Variants in RIT2 observed in about 807,000 individuals in gnomAD.
The protein encoded by RIT2 is Ras like without CAAX 2, also known as GTP-binding protein Rit2.
In RIT2, 24 loss-of-function variants were observed where a neutral mutation model predicts 23.7. The ratio of observed to expected loss-of-function variants is 1.01; its 90% CI spans 0.73 to 1.43. RIT2 has a LOEUF of 1.43. RIT2 is among the 40% of genes most tolerant of loss of function. The pLI is 0.00. For missense variants in RIT2, 236 were observed against 266.9 expected (o/e 0.88, Z 0.81); for synonymous variants, 107 against 91.1 (o/e 1.17, Z -0.99).
chr18:43,096,754 A>AT (rs900131749), intron 1 of RIT2, among the ~76,000 whole-genome samples: 1 of 151,632 alleles, frequency 6.6e-6, no homozygotes, highest in Non-Finnish European at 1.5e-5. Context: ...TTTCTAGGTT[A>AT]TTTTTTTAAT....
chr18:42,806,097 A>AT, intron 4 of RIT2, among the ~76,000 whole-genome samples: 1 of 59,548 alleles, frequency 1.7e-5, no homozygotes, highest in African/African-American at 7.2e-5. Flanking sequence ...ATTTAATAAA[A>AT]TTAATATATA....
intron 2 of RIT2, among the ~76,000 whole-genome samples, chr18:42,987,184 G>A (rs112948600): frequency 0.014 from 2,116 of 152,208 alleles, 57 homozygotes; most frequent in African/African-American, 0.048. Flanking sequence ...ATGTGTGTGC[G>A]TACGTATACA....
chr18:43,046,150 T>C (rs1042057444), intron 1 of RIT2, among the ~76,000 whole-genome samples: 1 of 152,046 alleles, frequency 6.6e-6, no homozygotes, highest in Non-Finnish European at 1.5e-5. Context: ...AACAGAATCA[T>C]GCAAAAATCT....
chr18:42,935,048 A>T (rs1909417774), intron 3 of RIT2, among the ~76,000 whole-genome samples: 1 of 145,936 alleles, frequency 6.9e-6, no homozygotes, highest in Admixed American at 7.1e-5. Flanking sequence ...ATCAACAAAT[A>T]GAAAAAGTCA....
intron 4 of RIT2, among the ~76,000 whole-genome samples, chr18:42,799,489 T>C (rs1464408408): frequency 6.6e-6 from 1 of 152,250 alleles, no homozygotes; most frequent in Non-Finnish European, 1.5e-5. Flanking sequence ...CCAATTGAGC[T>C]ATTGCAATCT....
intron 4 of RIT2, among the ~76,000 whole-genome samples, chr18:42,798,693 C>T (rs1457831956): frequency 6.6e-6 from 1 of 152,228 alleles, no homozygotes; most frequent in Non-Finnish European, 1.5e-5. Flanking sequence ...TCTCTCCAAC[C>T]CCTCCTCTCC....
At chr18:42,997,983 A>G (rs1317223880) in intron 2 of RIT2, among the ~76,000 whole-genome samples, 2 of 152,168 alleles carry the variant, frequency 1.3e-5, no homozygotes, top group African/African-American at 4.8e-5. Context: ...GATTGTAACC[A>G]AATCATCTAA....
At chr18:43,109,209 T>C (rs2144250648) in intron 1 of RIT2, among the ~76,000 whole-genome samples, 1 of 152,376 alleles carries the variant, frequency 6.6e-6, no homozygotes. Flanking sequence ...AAACTGCACA[T>C]GGCCGTGGGA....
At chr18:42,996,931 C>A (rs1768911237) in intron 2 of RIT2, among the ~76,000 whole-genome samples, 1 of 152,176 alleles carries the variant, frequency 6.6e-6, no homozygotes, top group African/African-American at 2.4e-5. Context: ...TTATTCCCTC[C>A]TCCTTCTTTA....
At chr18:43,033,665 TAC>T (rs1911908856) in intron 2 of RIT2, 144 bp downstream of exon 2, 2 of 614,424 alleles carry the variant, frequency 3.3e-6, no homozygotes, top group Non-Finnish European at 5.8e-6. Context: ...TCTGTTGTGG[TAC>T]GTTACATATG....
intron 4 of RIT2, among the ~76,000 whole-genome samples, chr18:42,851,561 G>A (rs567076071): frequency 1.3e-5 from 2 of 152,220 alleles, no homozygotes; most frequent in African/African-American, 4.8e-5. Flanking sequence ...CTCTTAAAAG[G>A]TAGGTAAAGG....
At chr18:42,756,943 AAAT>A (rs1233636130) in intron 4 of RIT2, among the ~76,000 whole-genome samples, 9 of 152,070 alleles carry the variant, frequency 5.9e-5, no homozygotes, top group Non-Finnish European at 1.2e-4. Context: ...AATTATAATT[AAAT>A]AATAAATTAT....
At chr18:42,820,262 A>C (rs1396581467) in intron 4 of RIT2, among the ~76,000 whole-genome samples, 1 of 152,108 alleles carries the variant, frequency 6.6e-6, no homozygotes, top group African/African-American at 2.4e-5. Flanking sequence ...CTACATTTAA[A>C]GCATCAGAAA....
At chr18:42,936,161 C>T (rs1414120447) in intron 3 of RIT2, among the ~76,000 whole-genome samples, 4 of 151,784 alleles carry the variant, frequency 2.6e-5, no homozygotes, top group Non-Finnish European at 1.5e-5. Flanking sequence ...CTTTTTGATC[C>T]AGCTTTAGGA....
chr18:42,835,411 G>A (rs180836530), intron 4 of RIT2, among the ~76,000 whole-genome samples: 341 of 152,042 alleles, frequency 2.2e-3, no homozygotes, highest in Non-Finnish European at 3.9e-3. Flanking sequence ...GGAAACCTAT[G>A]TTCTATATTG....
At chr18:43,002,882 G>T (rs902695560) in intron 2 of RIT2, among the ~76,000 whole-genome samples, 1 of 151,930 alleles carries the variant, frequency 6.6e-6, no homozygotes, top group Admixed American at 6.6e-5. Context: ...GGATTATCCA[G>T]GTGTGACCAA....
chr18:43,087,777 T>A (rs145449977), intron 1 of RIT2, among the ~76,000 whole-genome samples: 4 of 152,316 alleles, frequency 2.6e-5, no homozygotes, highest in South Asian at 2.1e-4. Context: ...CATTCCTGTA[T>A]TGAAGTTGCT....
chr18:42,960,963 T>G (rs1910082438), intron 3 of RIT2, among the ~76,000 whole-genome samples: 1 of 152,304 alleles, frequency 6.6e-6, no homozygotes, highest in Admixed American at 6.5e-5. Flanking sequence ...ATGGTTAATT[T>G]TTTTGTTTTT....
intron 1 of RIT2, among the ~76,000 whole-genome samples, chr18:43,097,544 A>G (rs1913583182): frequency 6.6e-6 from 1 of 151,912 alleles, no homozygotes; most frequent in South Asian, 2.1e-4. Context: ...AGAGTAGGAT[A>G]TCTTATGCAA....
Sources: gnomAD v4.1 joint callset for allele counts (sites outside exome capture counted in the v4.1 genomes callset) on GRCh38, gnomAD v4.1.1 for gene constraint, MANE v1.5 for transcripts, NCBI Gene and HGNC (gene_info 2026-07-23, HGNC 2026-07-21) for gene names.